Variants in PITPNC1 observed in about 807,000 individuals in gnomAD.
The protein encoded by PITPNC1 is cytoplasmic phosphatidylinositol transfer protein 1.
In PITPNC1, 18 loss-of-function variants were observed where a neutral mutation model predicts 44.7. That is an observed-to-expected ratio of 0.40 (90% confidence interval 0.28 to 0.60). PITPNC1 has a LOEUF of 0.60. Among genes scored for constraint, PITPNC1 ranks in the 20% least tolerant of loss-of-function variants. The pLI is 0.39. For missense variants in PITPNC1, 290 were observed against 418.4 expected (o/e 0.69, Z 2.68); for synonymous variants, 141 against 149.6 (o/e 0.94, Z 0.42).
chr17:67,551,175 TTCTC>T (rs2040757655), intron 2 of PITPNC1, among the ~76,000 whole-genome samples: 1 of 86,608 alleles, frequency 1.2e-5, no homozygotes, highest in Non-Finnish European at 3.1e-5. Context: ...GGCTGCACTG[TTCTC>T]TAAGTTTTGC....
intron 5 of PITPNC1, among the ~76,000 whole-genome samples, chr17:67,631,368 G>A (rs567771869): frequency 2.7e-5 from 4 of 149,050 alleles, no homozygotes; most frequent in East Asian, 1.9e-4. Context: ...GGTGGCTCAC[G>A]CCTGTAATCC....
At chr17:67,588,120 C>G (rs2041346166) in intron 5 of PITPNC1, among the ~76,000 whole-genome samples, 1 of 152,190 alleles carries the variant, frequency 6.6e-6, no homozygotes, top group African/African-American at 2.4e-5. Flanking sequence ...TCTATTGCCT[C>G]AGCCTCCAGA....
At chr17:67,535,273 A>G (rs2040512376) in intron 2 of PITPNC1, among the ~76,000 whole-genome samples, 1 of 152,232 alleles carries the variant, frequency 6.6e-6, no homozygotes, top group Non-Finnish European at 1.5e-5. Context: ...AGGTTTCTCA[A>G]CATGCTGCTT....
intron 1 of PITPNC1, among the ~76,000 whole-genome samples, chr17:67,504,963 T>C (rs1484825536): frequency 1.3e-5 from 2 of 152,234 alleles, no homozygotes; most frequent in African/African-American, 4.8e-5. Context: ...CTCAAATTAT[T>C]TTCTACTCTC....
At chr17:67,557,130 T>G (rs950289230) in intron 4 of PITPNC1, among the ~76,000 whole-genome samples, 3 of 152,140 alleles carry the variant, frequency 2.0e-5, no homozygotes, top group Non-Finnish European at 1.5e-5. Context: ...AAAGTGCGAC[T>G]GGGTTCCTGG....
At chr17:67,488,286 C>T (rs957709268) in intron 1 of PITPNC1, among the ~76,000 whole-genome samples, 6 of 152,210 alleles carry the variant, frequency 3.9e-5, no homozygotes, top group Non-Finnish European at 5.9e-5. Flanking sequence ...AGGCGTGGAG[C>T]GCTTCGGAAT....
chr17:67,660,026 A>G (rs1335052625), intron 6 of PITPNC1, among the ~76,000 whole-genome samples: 2 of 152,114 alleles, frequency 1.3e-5, no homozygotes, highest in Non-Finnish European at 2.9e-5. Flanking sequence ...GACTGCAGGC[A>G]CACACCACCA....
intron 6 of PITPNC1, among the ~76,000 whole-genome samples, chr17:67,645,846 C>T (rs1440589682): frequency 6.6e-6 from 1 of 152,132 alleles, no homozygotes; most frequent in Non-Finnish European, 1.5e-5. Context: ...GACTCTAGGC[C>T]GGCTGTGATT....
intron 1 of PITPNC1, among the ~76,000 whole-genome samples, chr17:67,479,491 A>G (rs2039675684): frequency 6.6e-6 from 1 of 152,204 alleles, no homozygotes; most frequent in Non-Finnish European, 1.5e-5. Flanking sequence ...ATATGTCTAA[A>G]TCTCAGTTTA....
At chr17:67,582,198 A>G (rs2041244441) in intron 5 of PITPNC1, among the ~76,000 whole-genome samples, 1 of 152,238 alleles carries the variant, frequency 6.6e-6, no homozygotes, top group African/African-American at 2.4e-5. Flanking sequence ...TTTTAAGCCA[A>G]GGAGTGTGCT....
chr17:67,598,589 C>A (rs1255532955), intron 5 of PITPNC1, among the ~76,000 whole-genome samples: 1 of 152,114 alleles, frequency 6.6e-6, no homozygotes, highest in East Asian at 1.9e-4. Context: ...TGTGAGGACA[C>A]AACTAGAAGT....
At chr17:67,589,604 C>CAAAAAAAA (rs10714478) in intron 5 of PITPNC1, among the ~76,000 whole-genome samples, 1 of 126,432 alleles carries the variant, frequency 7.9e-6, no homozygotes. Flanking sequence ...ATAATTGACT[C>CAAAAAAAA]AAAAAAAAAA....
At chr17:67,408,949 C>T (rs2038447904) in intron 1 of PITPNC1, 1 of 151,806 alleles carries the variant, frequency 6.6e-6, no homozygotes, top group South Asian at 2.1e-4. Flanking sequence ...AATGCAAGGT[C>T]ACAAAGATTT....
chr17:67,435,480 A>G (rs973018115), intron 1 of PITPNC1, among the ~76,000 whole-genome samples: 23 of 152,330 alleles, frequency 1.5e-4, no homozygotes, highest in African/African-American at 4.8e-4. Flanking sequence ...ATAGCCACCA[A>G]TGAGACAAAC....
At chr17:67,679,240 G>A (rs1029868117) in intron 8 of PITPNC1, among the ~76,000 whole-genome samples, 6 of 152,322 alleles carry the variant, frequency 3.9e-5, no homozygotes, top group Non-Finnish European at 5.9e-5. Flanking sequence ...GCGATAGAGC[G>A]AGCCTTTGTC....
intron 8 of PITPNC1, among the ~76,000 whole-genome samples, chr17:67,678,160 G>A (rs946251435): frequency 1.1e-4 from 16 of 151,376 alleles, no homozygotes; most frequent in Non-Finnish European, 1.8e-4. Context: ...AGGCTGCAGT[G>A]AGCTATGATC....
At chr17:67,468,376 G>T (rs1001532523) in intron 1 of PITPNC1, among the ~76,000 whole-genome samples, 2 of 151,328 alleles carry the variant, frequency 1.3e-5, no homozygotes, top group Admixed American at 1.3e-4. Context: ...TGAAGCCACA[G>T]GAATGAACAG....
In PITPNC1 at chr17:67,696,676, G is replaced by A. The variant is rs2043015092; in HGVS notation, c.*3788G>A. The A allele has an allele frequency of 1.3e-5, 2 of 152,156 alleles. No individual in the cohort carries two copies. Among genetic ancestry groups the A allele is most frequent in the South Asian group, 2.1e-4 (1 of 4,828 alleles). 9.4% of individuals were successfully genotyped at this position (152,156 alleles called of 1,614,324 possible). On this transcript the variant is annotated 3_prime_UTR_variant, in exon 9 of 9. Coordinates refer to ENST00000581322, the MANE Select transcript of PITPNC1 (RefSeq NM_012417.4). Reference sequence around the variant, plus strand: ...AAGTGTACACAATAGCACACTGTTGGCATGCTGAGGCAAAACATTGGGTTC... The same window carrying A: ...AAGTGTACACAATAGCACACTGTTGACATGCTGAGGCAAAACATTGGGTTC...
rs892654429 is a variant in PITPNC1 at position 67,676,521 on chromosome 17, AAG to A, written c.682+980_682+981del. Among the ~76,000 whole-genome samples the A allele has an allele frequency of 6.6e-6, 1 of 152,186 alleles. No homozygotes were observed. Among genetic ancestry groups the A allele is most frequent in the African/African-American group, 2.4e-5 (1 of 41,444 alleles). ...GCTACCGTCCTTGGCTATAAATAGAAAGGAACACGCCCCACCGGTGACTTAGG... is the reference window on the plus strand; with the variant it reads ...GCTACCGTCCTTGGCTATAAATAGAAGAACACGCCCCACCGGTGACTTAGG... On this transcript the variant is annotated intron_variant, in intron 8 of 8. Coordinates refer to ENST00000581322, the MANE Select transcript of PITPNC1 (RefSeq NM_012417.4). The surrounding 1 kb of genome is among the most constrained non-coding windows in gnomAD (Gnocchi z 4.0).
Sources: allele counts gnomAD v4.1 joint callset (sites outside exome capture counted in the v4.1 genomes callset), GRCh38; gene constraint gnomAD v4.1.1; non-coding constraint Gnocchi (gnomAD v3.1); transcripts MANE v1.5; gene names NCBI Gene and HGNC (gene_info 2026-07-23, HGNC 2026-07-21).